The following PSMA8 variants were observed in gnomAD, a reference collection of about 807,000 sequenced individuals.
PSMA8 encodes proteasome subunit alpha-type 8.
A neutral mutation model predicts 32.4 loss-of-function variants in PSMA8; 18 were observed. The observed-to-expected ratio is 0.56, with a 90% CI of 0.38 to 0.82. The LOEUF is 0.82. Ranked by LOEUF, PSMA8 falls within the 40% of genes least tolerant of loss-of-function variation. The pLI, the probability that PSMA8 is intolerant of heterozygous loss-of-function variation, is 0.00. For synonymous variants in PSMA8, 104 were observed against 98.1 expected, an observed-to-expected ratio of 1.06 and a Z score of -0.36; for missense variants, 298 against 300.7, an observed-to-expected ratio of 0.99 and a Z score of 0.07.
chr18:26,175,478 C>T (rs534057905), intron 4 of PSMA8, among the ~76,000 whole-genome samples: 1 of 152,280 alleles, frequency 6.6e-6, no homozygotes, highest in Admixed American at 6.5e-5. Context: ...AGGGACTGCA[C>T]ATTGATACTC....
chr18:26,151,819 G>A (rs781370046), intron 2 of PSMA8, 39 bp from the exon 3 acceptor site: 7 of 1,559,616 alleles, frequency 4.5e-6, no homozygotes, highest in Non-Finnish European at 6.1e-6. Flanking sequence ...TAAAAAATAT[G>A]TTTTTGTGGT....
intron 6 of PSMA8, among the ~76,000 whole-genome samples, chr18:26,189,541 A>G (rs1262764655): frequency 3.3e-5 from 5 of 152,166 alleles, no homozygotes; most frequent in African/African-American, 1.2e-4. Context: ...TCCAAAAAAA[A>G]GGTGATCAAC....
At chr18:26,175,506 G>A (rs931978415) in intron 4 of PSMA8, among the ~76,000 whole-genome samples, 18 of 152,320 alleles carry the variant, frequency 1.2e-4, no homozygotes, top group African/African-American at 4.3e-4. Context: ...CTGAGTCAGT[G>A]TAGGCTGGCC....
At chr18:26,138,738 T>C (rs530056467) in intron 1 of PSMA8, among the ~76,000 whole-genome samples, 11 of 152,320 alleles carry the variant, frequency 7.2e-5, no homozygotes, top group Non-Finnish European at 1.5e-4. Context: ...AACTAGCTTT[T>C]ACTAGACTTG....
rs560229892 is a variant in PSMA8 at position 26,173,807 on chromosome 18, C to T, written c.478-5023C>T. Among the ~76,000 whole-genome samples, 186 of 152,232 alleles carry T rather than the reference C, an allele frequency of 1.2e-3. 1 individual carries two copies. Among genetic ancestry groups the T allele is most frequent in the African/African-American group, 4.2e-3 (174 of 41,540 alleles). ...CTGACCTCAGGTGATCCACCTGCCT[C>T]GGCCTCCCAAAGTGCTGGGATTACA... On this transcript the variant is annotated intron_variant, in intron 4 of 6. Coordinates refer to ENST00000415576, the MANE Select transcript of PSMA8 (RefSeq NM_001025096.2).
At chr18:26,176,720 G>C (rs1389416414) in intron 4 of PSMA8, among the ~76,000 whole-genome samples, 2 of 151,960 alleles carry the variant, frequency 1.3e-5, no homozygotes, top group South Asian at 2.1e-4. Flanking sequence ...ATCACCTGAA[G>C]TCGGGAGTTT....
At chr18:26,171,101 AG>A in intron 4 of PSMA8, 1 of 1,559,588 alleles carries the variant, frequency 6.4e-7, no homozygotes, top group Non-Finnish European at 8.5e-7. Flanking sequence ...GATTCTTCTC[AG>A]GAATGGAGAA....
chr18:26,177,487 A>G (rs1202191479), intron 4 of PSMA8, among the ~76,000 whole-genome samples: 1 of 152,218 alleles, frequency 6.6e-6, no homozygotes, highest in Non-Finnish European at 1.5e-5. Flanking sequence ...TAATCCATGT[A>G]AAATGCCTAA....
intron 4 of PSMA8, 36 bp from the exon 5 acceptor site, chr18:26,178,794 G>A (rs777159845): frequency 2.5e-6 from 4 of 1,590,050 alleles, no homozygotes; most frequent in Non-Finnish European, 3.4e-6. Context: ...CATTCCTACT[G>A]CAATGATATT....
At chr18:26,141,713 C>CTTTTTTTTTTTTTTTTTTTTTTTTT (rs1011733993) in intron 1 of PSMA8, among the ~76,000 whole-genome samples, 13 of 109,984 alleles carry the variant, frequency 1.2e-4, no homozygotes, top group African/African-American at 3.8e-4. Flanking sequence ...TTTCTTTTTT[C>CTTTTTTTTTTTTTTTTTTTTTTTTT]TTTTTTTTTT....
At chr18:26,186,207 C>T (rs1242558316) in intron 6 of PSMA8, among the ~76,000 whole-genome samples, 1 of 144,868 alleles carries the variant, frequency 6.9e-6, no homozygotes, top group South Asian at 2.2e-4. Context: ...TGAGATCACG[C>T]CACTGCACTC....
intron 6 of PSMA8, among the ~76,000 whole-genome samples, chr18:26,185,131 A>G (rs2055343116): frequency 6.7e-6 from 1 of 150,208 alleles, no homozygotes; most frequent in Admixed American, 6.6e-5. Context: ...AGACATTTGA[A>G]AATTGTTTCT....
At chr18:26,163,573 C>G (rs2055155831) in intron 4 of PSMA8, among the ~76,000 whole-genome samples, 1 of 152,120 alleles carries the variant, frequency 6.6e-6, no homozygotes, top group African/African-American at 2.4e-5. Flanking sequence ...TTCAAAATCT[C>G]AAACTTTTTG....
At chr18:26,182,366 C>T (rs1236129479) in intron 6 of PSMA8, among the ~76,000 whole-genome samples, 1 of 152,186 alleles carries the variant, frequency 6.6e-6, no homozygotes. Context: ...CTTCAAGGGA[C>T]GGACTGTCTT....
chr18:26,177,325 G>A (rs1031442055), intron 4 of PSMA8, among the ~76,000 whole-genome samples: 4 of 152,240 alleles, frequency 2.6e-5, no homozygotes, highest in African/African-American at 9.6e-5. Flanking sequence ...ACACAGGACA[G>A]CCCTCACAAC....
intron 4 of PSMA8, among the ~76,000 whole-genome samples, chr18:26,167,645 A>C (rs1466961946): frequency 6.6e-6 from 1 of 152,142 alleles, no homozygotes; most frequent in Non-Finnish European, 1.5e-5. Flanking sequence ...GACACCAGAG[A>C]GCTCTCTCTT....
chr18:26,172,617 GC>G (rs2055232057), intron 4 of PSMA8, among the ~76,000 whole-genome samples: 1 of 152,064 alleles, frequency 6.6e-6, no homozygotes, highest in Non-Finnish European at 1.5e-5. Context: ...GAAGCCATAT[GC>G]CACTTGGGGT....
At chr18:26,184,226 A>G (rs1253613703) in intron 6 of PSMA8, among the ~76,000 whole-genome samples, 1 of 150,742 alleles carries the variant, frequency 6.6e-6, no homozygotes, top group Non-Finnish European at 1.5e-5. Flanking sequence ...GAGAATATCA[A>G]TATGTAGTCT....
chr18:26,188,778 A>T lies in PSMA8; in HGVS notation c.661-3541A>T, dbSNP rs994739308. 3.3e-5 allele frequency among the ~76,000 whole-genome samples: 5 copies of T among 152,194 alleles called. No individual in the cohort carries two copies. The East Asian group carries it at 9.6e-4, about 29-fold the overall frequency. ...CAATAAAGGATGCTGGGAAAACTGG[A>T]TATCCATATGCAGAAGAATGAAACT... is the stretch of plus-strand genomic sequence containing the variant. On this transcript the variant is annotated intron_variant, in intron 6 of 6. Coordinates refer to ENST00000415576, the MANE Select transcript of PSMA8 (RefSeq NM_001025096.2).
Sources: gnomAD v4.1 joint callset for allele counts (sites outside exome capture counted in the v4.1 genomes callset) on GRCh38, gnomAD v4.1.1 for gene constraint, MANE v1.5 for transcripts, NCBI Gene and HGNC (gene_info 2026-07-23, HGNC 2026-07-21) for gene names.